TNS1: variants seen among roughly 807,000 people sequenced by gnomAD.
The protein encoded by TNS1 is tensin 1.
In TNS1, 62 loss-of-function variants were observed where a neutral mutation model predicts 168.6. The ratio of observed to expected loss-of-function variants is 0.37; its 90% CI spans 0.30 to 0.45. The LOEUF (loss-of-function observed/expected upper bound fraction) is 0.45. Among genes scored for constraint, TNS1 ranks in the 20% least tolerant of loss-of-function variants. The pLI is 1.00. For missense variants in TNS1, 2,240 were observed against 2,339.4 expected (o/e 0.96, Z 0.88); for synonymous variants, 934 against 933.2 (o/e 1.00, Z -0.02).
At position 217,884,894 on chromosome 2, in the gene TNS1, A is replaced by G. The variant is rs1374060023; in HGVS notation, c.1246+141T>C. On this transcript the variant is annotated intron_variant, in intron 16 of 32. Transcript: ENST00000682258. ...TCAACTCTCTCCCAAGTCTCTCTCAACTCTCTCCTACCATCACCCTGAGAC... is the reference window on the plus strand; with the variant it reads ...TCAACTCTCTCCCAAGTCTCTCTCAGCTCTCTCCTACCATCACCCTGAGAC... The G allele has an allele frequency of 3.4e-5, 37 of 1,074,796 alleles. No individual in the cohort carries two copies. In the South Asian group the frequency reaches 6.6e-4, roughly 19 times the overall value. 66.6% of individuals were successfully genotyped at this position (1,074,796 alleles called of 1,614,324 possible).
chr2:217,810,717 T>C (rs1014224686), intron 28 of TNS1, among the ~76,000 whole-genome samples: 6 of 152,186 alleles, frequency 3.9e-5, no homozygotes, highest in African/African-American at 1.4e-4. Flanking sequence ...TATATCTTTG[T>C]GTAGGTCAAT....
rs1958443633 is a variant in TNS1 at position 217,995,042 on chromosome 2, G to T, written c.34-3986C>A. Among the ~76,000 whole-genome samples the T allele has an allele frequency of 6.6e-6, 1 of 152,120 alleles. No individual in the cohort carries two copies. Among genetic ancestry groups the T allele is most frequent in the Admixed American group, 6.5e-5 (1 of 15,290 alleles). ...GGGAAATGACACAACATTCCCTTTG[G>T]AATGAAGGGACTGAAAGTGATGGGG... On this transcript the variant is annotated intron_variant, in intron 1 of 32. Coordinates refer to ENST00000682258, the MANE Select transcript of TNS1 (RefSeq NM_001387777.1). This position sits in a 1 kb window ranked among gnomAD's most constrained non-coding sequence, Gnocchi z 4.1.
intron 3 of TNS1, among the ~76,000 whole-genome samples, chr2:217,939,948 C>A (rs1956827039): frequency 6.6e-6 from 1 of 152,234 alleles, no homozygotes; most frequent in South Asian, 2.1e-4. Flanking sequence ...CGTCCAGCAA[C>A]CTCCTGGACG....
chr2:217,893,908 T>C lies in TNS1; in HGVS notation c.595-347A>G, dbSNP rs1394011441. Among the ~76,000 whole-genome samples, 3 of 152,186 alleles carry C rather than the reference T, an allele frequency of 2.0e-5. No homozygotes were observed. In the East Asian group the frequency reaches 5.8e-4, roughly 29 times the overall value. On this transcript the variant is annotated intron_variant, in intron 9 of 32. Coordinates refer to ENST00000682258, the MANE Select transcript of TNS1 (RefSeq NM_001387777.1). ...TTGGAGCTGATGACCCCAAGGTCCCTACCATAGGACTGACCTCCAACATGC... is the reference window on the plus strand; with the variant it reads ...TTGGAGCTGATGACCCCAAGGTCCCCACCATAGGACTGACCTCCAACATGC...
At position 217,836,321 on chromosome 2, in the gene TNS1, G is replaced by A. The variant is rs191960782; in HGVS notation, c.3008-110C>T. On this transcript the variant is annotated intron_variant, in intron 19 of 32. Coordinates refer to ENST00000682258, the MANE Select transcript of TNS1 (RefSeq NM_001387777.1). ...TGCCTCCTAGCTCAGAGGCCATGCT[G>A]GGGCTCGCCTGTCATCCCCCATTGT... is the stretch of plus-strand genomic sequence containing the variant. 7.8e-3 allele frequency: 8,597 copies of A among 1,095,238 alleles called. 45 individuals carry two copies. The highest frequency in any genetic ancestry group is 9.6e-3 in the Admixed American group (353 of 36,786). 67.8% of individuals were successfully genotyped at this position (1,095,238 alleles called of 1,614,324 possible).
intron 27 of TNS1, among the ~76,000 whole-genome samples, chr2:217,812,685 T>G (rs1237465560): frequency 6.6e-6 from 1 of 152,182 alleles, no homozygotes; most frequent in Non-Finnish European, 1.5e-5. Flanking sequence ...AGAAAGTTCC[T>G]CCTAACATCG....
intron 3 of TNS1, among the ~76,000 whole-genome samples, chr2:217,939,668 G>A (rs1303782522): frequency 6.6e-6 from 1 of 152,126 alleles, no homozygotes; most frequent in Non-Finnish European, 1.5e-5. Flanking sequence ...AGCTCCCCAG[G>A]CCCCCGCCTT....
At chr2:218,001,685 G>C (rs1389634437) in intron 1 of TNS1, among the ~76,000 whole-genome samples, 1 of 152,020 alleles carries the variant, frequency 6.6e-6, no homozygotes, top group Admixed American at 6.6e-5. Context: ...ATCCATCCCA[G>C]CACCCCAGCC....
At position 217,940,475 on chromosome 2, in the gene TNS1, G is replaced by C. The variant is rs370161866; in HGVS notation, c.187-20239C>G. Among the ~76,000 whole-genome samples, 19 of 152,232 alleles carry C rather than the reference G, an allele frequency of 1.2e-4. No individual in the cohort carries two copies. The East Asian group carries it at 3.3e-3, about 26-fold the overall frequency. On this transcript the variant is annotated intron_variant, in intron 3 of 32. Coordinates refer to ENST00000682258, the MANE Select transcript of TNS1 (RefSeq NM_001387777.1). ...TCCTGCCCTGGTGCCTCAGGCTCAC[G>C]GCACACTCAGGTCTCCCGATCCTTC...
At chr2:217,858,700 AC>A in intron 18 of TNS1, 21 of 188,334 alleles carry the variant, frequency 1.1e-4, no homozygotes, top group East Asian at 2.0e-4. Context: ...ACACACACAC[AC>A]CCCACTCCCT....
intron 3 of TNS1, among the ~76,000 whole-genome samples, chr2:217,958,215 G>A (rs1218747562): frequency 2.0e-5 from 3 of 152,082 alleles, no homozygotes; most frequent in Non-Finnish European, 4.4e-5. Flanking sequence ...AAGCAAACTG[G>A]GTTTTTTTAA....
At chr2:217,954,016 A>AG (rs1575134319) in intron 3 of TNS1, among the ~76,000 whole-genome samples, 1 of 152,230 alleles carries the variant, frequency 6.6e-6, no homozygotes, top group Non-Finnish European at 1.5e-5. Context: ...TAGGGCCAGA[A>AG]GGGGAGACAC....
At chr2:217,911,241 T>G (rs1291419879) in intron 4 of TNS1, among the ~76,000 whole-genome samples, 3 of 152,138 alleles carry the variant, frequency 2.0e-5, no homozygotes, top group Non-Finnish European at 2.9e-5. Context: ...CAACTCAGAA[T>G]CCAGCTTAGA....
At chr2:217,826,878 C>T (rs1943703262) in intron 22 of TNS1, among the ~76,000 whole-genome samples, 1 of 152,102 alleles carries the variant, frequency 6.6e-6, no homozygotes, top group African/African-American at 2.4e-5. Flanking sequence ...TTGTCCACAC[C>T]CTGAAGTGCA....
intron 2 of TNS1, among the ~76,000 whole-genome samples, chr2:217,980,041 G>A (rs1039004287): frequency 6.6e-6 from 1 of 152,130 alleles, no homozygotes; most frequent in Admixed American, 6.5e-5. Context: ...TTTGTCTGAG[G>A]CAGAAGGGGC....
At chr2:218,010,175 G>C (rs1189589415) in exon 1 of TNS1, 1 of 399,016 alleles carries the variant, frequency 2.5e-6, no homozygotes, top group Non-Finnish European at 4.4e-6. Flanking sequence ...CGCAGGAGAA[G>C]CACCAACTCA....
chr2:217,955,117 G>C (rs1456679446), intron 3 of TNS1, among the ~76,000 whole-genome samples: 2 of 152,244 alleles, frequency 1.3e-5, no homozygotes, highest in African/African-American at 4.8e-5. Context: ...AGGAGAAACT[G>C]CTGGCTAATA....
Position 217,978,938 on chromosome 2 carries a change from A to T in TNS1, c.149-136T>A, listed in dbSNP as rs1215980898. 5 of 643,194 alleles carry T rather than the reference A, an allele frequency of 7.8e-6. No individual in the cohort carries two copies. The East Asian group carries it at 1.1e-4, about 15-fold the overall frequency. The allele number at this position is 643,194 out of a possible 1,614,324, so 39.8% of individuals were successfully genotyped here. ...GGGAAGGAGGGACGGAGGGAAGGAG[A>T]GAGGGAGAGAGGGAGGGGACGGAGG... is the stretch of plus-strand genomic sequence containing the variant. On this transcript the variant is annotated intron_variant, in intron 2 of 32. Transcript: ENST00000682258.
At chr2:217,824,520 G>T (rs1418266548) in intron 22 of TNS1, among the ~76,000 whole-genome samples, 2 of 152,212 alleles carry the variant, frequency 1.3e-5, no homozygotes, top group African/African-American at 2.4e-5. Context: ...GTCACAGCTG[G>T]CAAGGGGCAC....
Sources: gnomAD v4.1 joint callset for allele counts (sites outside exome capture counted in the v4.1 genomes callset) on GRCh38, gnomAD v4.1.1 for gene constraint, Gnocchi (gnomAD v3.1) non-coding constraint, MANE v1.5 for transcripts, NCBI Gene and HGNC (gene_info 2026-07-23, HGNC 2026-07-21) for gene names.